NRBF2: variants seen among roughly 807,000 people sequenced by gnomAD.
NRBF2 encodes the protein nuclear receptor binding factor 2.
NRBF2 carries 12 observed loss-of-function variants against 28.5 expected under a neutral mutation model. That is an observed-to-expected ratio of 0.42 (90% CI 0.27 to 0.68). The LOEUF is 0.68. Among genes scored for constraint, NRBF2 ranks in the 30% least tolerant of loss-of-function variants. NRBF2 has a pLI of 0.24. For synonymous variants in NRBF2, 102 were observed against 116.5 expected (o/e 0.88, Z 0.80); for missense variants, 274 against 333.5 (o/e 0.82, Z 1.39).
Position 63,153,577 on chromosome 10 carries a change from T to C in NRBF2, c.223T>C (p.Trp75Arg), listed in dbSNP as rs761165386. Residue 75 changes from tryptophan to arginine, a missense_variant, in exon 4 of 4, where the codon TGG becomes CGG. Physicochemically the swap from Trp to Arg is moderately radical, Grantham distance 101 (BLOSUM62 -3). Transcript: ENST00000277746. ...MKQLLLIQER[W>R]KRAQREERLK... ...ACAGCTCCTCCTCATCCAAGAGAGA[T>C]GGAAAAGGGCCCAGCGTGAAGAAAG... The C allele has an allele frequency of 4.3e-6, 7 of 1,611,794 alleles. No homozygotes were observed. Among genetic ancestry groups the C allele is most frequent in the Non-Finnish European group, 5.9e-6 (7 of 1,179,850 alleles).
chr10:63,153,723 A>C lies in NRBF2; in HGVS notation c.369A>C (p.Thr123=). ...SPLSQKYSPS[T]EKCLPEIQGI... is the part of the protein sequence containing the mutation. ...TTTCTCAGAAGTACAGCCCTTCCAC[A>C]GAGAAATGCCTGCCTGAGATTCAGG... is the stretch of plus-strand genomic sequence containing the variant. The change falls in exon 4 of 4, where the codon ACA becomes ACC. Residue 123 remains threonine (T), a synonymous_variant. Transcript: ENST00000277746. 6.2e-7 allele frequency: 1 copy of C among 1,612,472 alleles called. No individual in the cohort carries two copies. The highest frequency in any genetic ancestry group is 8.5e-7 in the Non-Finnish European group (1 of 1,179,686).
At chr10:63,143,939 G>A (rs1230697492) in intron 1 of NRBF2, among the ~76,000 whole-genome samples, 3 of 151,644 alleles carry the variant, frequency 2.0e-5, no homozygotes, top group Non-Finnish European at 2.9e-5. Context: ...TGTATTTTTT[G>A]TAGAGATGGG....
intron 2 of NRBF2, chr10:63,150,377 G>A (rs1174934851): frequency 1.1e-5 from 11 of 981,862 alleles, no homozygotes; most frequent in Non-Finnish European, 1.3e-5. Context: ...CTGGAGCAAA[G>A]ACTGTATAAC....
intron 1 of NRBF2, 128 bp from the exon 2 acceptor site, chr10:63,146,081 G>T (rs1289284256): frequency 7.0e-6 from 5 of 719,394 alleles, no homozygotes; most frequent in Admixed American, 2.2e-5. Flanking sequence ...TACAGATAGA[G>T]CTGTAATAGT....
Position 63,133,464 on chromosome 10 carries a change from G to A in NRBF2, c.-7G>A, listed in dbSNP as rs773246426. 1.9e-6 allele frequency: 3 copies of A among 1,611,798 alleles called. No individual in the cohort carries two copies. The highest frequency in any genetic ancestry group is 2.5e-6 in the Non-Finnish European group (3 of 1,178,824). On this transcript the variant is annotated 5_prime_UTR_variant, in exon 1 of 4. Transcript: ENST00000277746. The stretch of plus-strand genomic sequence containing the variant: ...CCTTCCTAAGGCCGCCGCTTACCCC[G>A]GGGTCTATGGAAGTAATGGAAGGAC...
At chr10:63,134,064 G>A (rs1044469718) in intron 1 of NRBF2, among the ~76,000 whole-genome samples, 10 of 144,816 alleles carry the variant, frequency 6.9e-5, no homozygotes, top group African/African-American at 2.5e-4. Flanking sequence ...CATAAACTGA[G>A]TCTACCGTCT....
rs560730114 is a variant in NRBF2 at position 63,142,500 on chromosome 10, GT to G, written c.31-3708del. Among the ~76,000 whole-genome samples the G allele has an allele frequency of 3.8e-4, 57 of 151,808 alleles. No individual in the cohort carries two copies. The East Asian group carries it at 0.011, about 29-fold the overall frequency. The stretch of plus-strand genomic sequence containing the variant: ...AATCTGTATTTTAACCAGGTGATTT[GT>G]ATTTTCATTAAAACCTAGAGCCTTA... On this transcript the variant is annotated intron_variant, in intron 1 of 3. Transcript: ENST00000277746.
At chr10:63,137,022 G>T (rs1841388677) in intron 1 of NRBF2, among the ~76,000 whole-genome samples, 1 of 152,178 alleles carries the variant, frequency 6.6e-6, no homozygotes, top group Admixed American at 6.5e-5. Flanking sequence ...GGGTTTTTTG[G>T]TCAATTTTTC....
At chr10:63,152,999 A>AAT (rs35130655) in intron 3 of NRBF2, among the ~76,000 whole-genome samples, 6,431 of 152,216 alleles carry the variant, frequency 0.042, 192 homozygotes, top group Non-Finnish European at 0.067. Flanking sequence ...CTCTAAAATA[A>AAT]ATATATATAA....
intron 1 of NRBF2, among the ~76,000 whole-genome samples, chr10:63,135,704 T>G (rs1337197198): frequency 6.6e-6 from 1 of 150,908 alleles, no homozygotes; most frequent in African/African-American, 2.4e-5. Flanking sequence ...TAGAGTGCAG[T>G]GGCGCGATCT....
chr10:63,153,720 C>T lies in NRBF2; in HGVS notation c.366C>T (p.Ser122=). ...CCCTTTCTCAGAAGTACAGCCCTTC[C>T]ACAGAGAAATGCCTGCCTGAGATTC... ...QSPLSQKYSP[S]TEKCLPEIQG... The change falls in exon 4 of 4, where the codon TCC becomes TCT. Residue 122 remains serine, a synonymous_variant. Transcript: ENST00000277746. 1 of 1,612,422 alleles carries T rather than the reference C, an allele frequency of 6.2e-7. No individual in the cohort carries two copies. Among genetic ancestry groups the T allele is most frequent in the Non-Finnish European group, 8.5e-7 (1 of 1,179,698 alleles).
chr10:63,134,566 T>C (rs753671002), intron 1 of NRBF2, among the ~76,000 whole-genome samples: 6 of 152,186 alleles, frequency 3.9e-5, no homozygotes, highest in Non-Finnish European at 8.8e-5. Flanking sequence ...ATATCTGTGT[T>C]ACCTTGGGCA....
At chr10:63,137,371 C>T (rs2132676505) in intron 1 of NRBF2, among the ~76,000 whole-genome samples, 1 of 152,306 alleles carries the variant, frequency 6.6e-6, no homozygotes, top group East Asian at 1.9e-4. Context: ...CTACTGGTAA[C>T]AAATGTCAAA....
At chr10:63,141,902 A>G (rs1841475023) in intron 1 of NRBF2, among the ~76,000 whole-genome samples, 1 of 152,240 alleles carries the variant, frequency 6.6e-6, no homozygotes. Context: ...GAGCTCAGTA[A>G]TAATCTGAAA....
intron 1 of NRBF2, among the ~76,000 whole-genome samples, chr10:63,143,795 C>T (rs999747346): frequency 2.7e-5 from 4 of 149,000 alleles, no homozygotes; most frequent in Non-Finnish European, 5.9e-5. Flanking sequence ...CTCTGTTGCC[C>T]GGACTGGAGT....
intron 2 of NRBF2, among the ~76,000 whole-genome samples, chr10:63,147,637 G>A (rs1478916904): frequency 7.1e-6 from 1 of 140,718 alleles, no homozygotes; most frequent in East Asian, 2.0e-4. Flanking sequence ...TTTAAGTTCT[G>A]GGGTACATGT....
intron 1 of NRBF2, among the ~76,000 whole-genome samples, chr10:63,143,992 G>A (rs915077064): frequency 2.0e-5 from 3 of 151,860 alleles, no homozygotes; most frequent in African/African-American, 4.8e-5. Flanking sequence ...TCTTGAGCTC[G>A]AGTGATCTGC....
intron 1 of NRBF2, among the ~76,000 whole-genome samples, chr10:63,140,355 A>G (rs1283567444): frequency 1.3e-5 from 2 of 152,226 alleles, no homozygotes; most frequent in African/African-American, 4.8e-5. Context: ...TAGGAAGTAC[A>G]CAGAGGTGGG....
At chr10:63,142,133 T>C (rs772409848) in intron 1 of NRBF2, among the ~76,000 whole-genome samples, 7 of 152,058 alleles carry the variant, frequency 4.6e-5, no homozygotes, top group Non-Finnish European at 8.8e-5. Context: ...GTGATTGAAA[T>C]CATCAGCGAC....
Sources: gnomAD v4.1 joint callset for allele counts (sites outside exome capture counted in the v4.1 genomes callset) on GRCh38, gnomAD v4.1.1 for gene constraint, MANE v1.5 for transcripts, NCBI Gene and HGNC (gene_info 2026-07-23, HGNC 2026-07-21) for gene names.